Variants in APBB1IP observed in about 807,000 individuals in gnomAD.
The protein encoded by APBB1IP is amyloid beta precursor protein binding family B member 1 interacting protein, also known as amyloid beta A4 precursor protein-binding family B member 1-interacting protein.
APBB1IP carries 27 observed loss-of-function variants against 64.9 expected under a neutral mutation model. That is an observed-to-expected ratio of 0.42 (90% CI 0.31 to 0.57). APBB1IP has a LOEUF of 0.57. APBB1IP is among the 20% of genes least tolerant of loss of function. The pLI is 0.20. For synonymous variants in APBB1IP, 392 were observed against 331.0 expected (o/e 1.18, Z -2.00); for missense variants, 812 against 845.5 (o/e 0.96, Z 0.49).
intron 14 of APBB1IP, among the ~76,000 whole-genome samples, chr10:26,563,274 G>A (rs1339612738): frequency 6.6e-6 from 1 of 152,096 alleles, no homozygotes; most frequent in African/African-American, 2.4e-5. Flanking sequence ...GATCCCTTGA[G>A]CCCAGGAGTT....
At chr10:26,452,818 ATT>A (rs1012924805) in intron 2 of APBB1IP, among the ~76,000 whole-genome samples, 1 of 152,086 alleles carries the variant, frequency 6.6e-6, no homozygotes, top group African/African-American at 2.4e-5. Flanking sequence ...AACCCTCCAT[ATT>A]TTGTAGCCTC....
chr10:26,499,903 T>C (rs991452971), intron 4 of APBB1IP, among the ~76,000 whole-genome samples: 1 of 152,192 alleles, frequency 6.6e-6, no homozygotes, highest in African/African-American at 2.4e-5. Context: ...TGTTTTAATT[T>C]CTGCTATTTA....
intron 2 of APBB1IP, among the ~76,000 whole-genome samples, chr10:26,475,076 A>G (rs552826909): frequency 1.4e-5 from 2 of 139,408 alleles, no homozygotes; most frequent in Admixed American, 7.0e-5. Context: ...TTTCTGTTTG[A>G]CTCTCGCTGA....
chr10:26,560,325 C>A, intron 12 of APBB1IP, 122 bp downstream of exon 12: 1 of 863,336 alleles, frequency 1.2e-6, no homozygotes, highest in Non-Finnish European at 1.9e-6. Context: ...CAGACATTAT[C>A]AGGTTTATTC....
intron 2 of APBB1IP, among the ~76,000 whole-genome samples, chr10:26,466,517 T>C (rs996270959): frequency 6.6e-6 from 1 of 152,180 alleles, no homozygotes; most frequent in Admixed American, 6.5e-5. Flanking sequence ...AGTTATCCAG[T>C]TGGCTGGATA....
chr10:26,536,593 C>CTTT (rs58921295), intron 10 of APBB1IP, among the ~76,000 whole-genome samples: 2 of 143,432 alleles, frequency 1.4e-5, no homozygotes, highest in Admixed American at 6.9e-5. Flanking sequence ...GATTTTCTTT[C>CTTT]TTTTTTTTTT....
At chr10:26,458,284 AG>A (rs910117272) in intron 2 of APBB1IP, among the ~76,000 whole-genome samples, 28 of 152,260 alleles carry the variant, frequency 1.8e-4, no homozygotes, top group Admixed American at 5.9e-4. Flanking sequence ...GCTACTTGGA[AG>A]GCTGAGGTGG....
intron 11 of APBB1IP, among the ~76,000 whole-genome samples, chr10:26,546,253 G>A (rs1588614441): frequency 6.6e-6 from 1 of 152,166 alleles, no homozygotes; most frequent in South Asian, 2.1e-4. Context: ...AGTTATTATT[G>A]CCCTCTGGTA....
intron 2 of APBB1IP, 137 bp downstream of exon 2, chr10:26,438,990 C>T (rs1472223585): frequency 6.6e-6 from 1 of 152,236 alleles, no homozygotes; most frequent in Non-Finnish European, 1.5e-5. Context: ...AACGCGTGCC[C>T]CCAGGCGTGG....
intron 11 of APBB1IP, among the ~76,000 whole-genome samples, chr10:26,551,065 G>T (rs1312462012): frequency 1.3e-5 from 2 of 152,212 alleles, no homozygotes; most frequent in African/African-American, 2.4e-5. Context: ...CAGGCTCTCA[G>T]GTCCAGAGGT....
intron 3 of APBB1IP, among the ~76,000 whole-genome samples, chr10:26,494,623 G>A (rs752952023): frequency 3.3e-5 from 5 of 152,124 alleles, no homozygotes; most frequent in African/African-American, 7.2e-5. Context: ...TCAGGAGTTC[G>A]AGACCACGCT....
intron 8 of APBB1IP, 71 bp from the exon 9 acceptor site, chr10:26,533,368 C>A: frequency 2.3e-6 from 2 of 857,242 alleles, no homozygotes; most frequent in Non-Finnish European, 1.7e-6. Context: ...TCCAGCAAGA[C>A]TGTGAGTTCC....
At chr10:26,558,494 A>C (rs950472676) in intron 11 of APBB1IP, among the ~76,000 whole-genome samples, 2 of 152,102 alleles carry the variant, frequency 1.3e-5, no homozygotes, top group Non-Finnish European at 2.9e-5. Context: ...CATAAAACAG[A>C]AACTAACTGG....
At position 26,567,738 on chromosome 10, in the gene APBB1IP, T is replaced by C. The variant is rs1837076373; in HGVS notation, c.*250T>C. 8 of 764,162 alleles carry C rather than the reference T, an allele frequency of 1.0e-5. No individual in the cohort carries two copies. Among genetic ancestry groups the C allele is most frequent in the Non-Finnish European group, 1.4e-5 (8 of 566,914 alleles). The allele number at this position is 764,162 out of a possible 1,614,324, so 47.3% of individuals were successfully genotyped here. ...TTCCCTTCCAAGCTGCCTAAAGCGC[T>C]GTTTTAGGTTCATTTATTTTATTAT... On this transcript the variant is annotated 3_prime_UTR_variant, in exon 15 of 15. Coordinates refer to ENST00000376236, the MANE Select transcript of APBB1IP (RefSeq NM_019043.4).
At chr10:26,525,959 T>TGTAA (rs1836468818) in intron 8 of APBB1IP, among the ~76,000 whole-genome samples, 1 of 152,154 alleles carries the variant, frequency 6.6e-6, no homozygotes, top group Admixed American at 6.5e-5. Flanking sequence ...GGTGGGCGCC[T>TGTAA]GTCTCACAAG....
rs1157361845 is a variant in APBB1IP at position 26,567,253 on chromosome 10, C to G, written c.1766C>G (p.Ser589Trp). 3.1e-6 allele frequency: 4 copies of G among 1,310,508 alleles called. No individual in the cohort carries two copies. In the East Asian group the frequency reaches 1.4e-4, roughly 47 times the overall value. 81.2% of individuals were successfully genotyped at this position (1,310,508 alleles called of 1,614,324 possible). Residue 589 changes from serine (S) to tryptophan (W), a missense_variant, in exon 15 of 15, where the codon TCG (serine) becomes TGG (tryptophan). By Grantham distance (177) the Ser-to-Trp change is radical. Transcript: ENST00000376236. Reference sequence around the variant, plus strand: ...GACTTCGTGCCCCCGCCCCCGCCGTCGTACGCAGGGATCGCGGGCTCAGAG... The same window carrying G: ...GACTTCGTGCCCCCGCCCCCGCCGTGGTACGCAGGGATCGCGGGCTCAGAG... Reference protein sequence around the residue: ...PPDFVPPPPPSYAGIAGSELP... With the variant: ...PPDFVPPPPPWYAGIAGSELP...
At chr10:26,545,442 T>G (rs963293271) in intron 11 of APBB1IP, among the ~76,000 whole-genome samples, 5 of 150,916 alleles carry the variant, frequency 3.3e-5, no homozygotes, top group African/African-American at 1.2e-4. Flanking sequence ...CTGGCCAAAA[T>G]GGTGAAACTC....
chr10:26,513,747 G>T (rs1836290466), intron 8 of APBB1IP, 87 bp downstream of exon 8: 11 of 1,459,498 alleles, frequency 7.5e-6, no homozygotes, highest in Non-Finnish European at 1.0e-5. Context: ...CTGGAGACAG[G>T]GTCTGAAAGG....
chr10:26,511,890 C>G lies in APBB1IP; in HGVS notation c.675C>G (p.Tyr225Ter). ...TAGACTGGTGTCTTTATGAAATCTA[C>G]CCGGAACTACAAATTGGTAAGTCCC... ...CNVDWCLYEI[Y>*]PELQIERFFE... is the part of the protein sequence containing the mutation. Residue 225 changes from tyrosine (Y) to a stop codon, truncating the protein, a stop_gained, in exon 7 of 15, where the codon TAC (tyrosine) becomes TAG (stop). Transcript: ENST00000376236. LOFTEE classifies it high-confidence loss of function. 6.2e-7 allele frequency: 1 copy of G among 1,614,188 alleles called. No homozygotes were observed. The highest frequency in any genetic ancestry group is 8.5e-7 in the Non-Finnish European group (1 of 1,180,030).
Sources: allele counts gnomAD v4.1 joint callset (sites outside exome capture counted in the v4.1 genomes callset), GRCh38; gene constraint gnomAD v4.1.1; transcripts MANE v1.5; gene names NCBI Gene and HGNC (gene_info 2026-07-23, HGNC 2026-07-21).